Variants in CEP170B observed in about 807,000 individuals in gnomAD.
CEP170B encodes centrosomal protein 170B, also known as centrosomal protein of 170 kDa protein B.
Under a neutral mutation model 120.6 loss-of-function variants are expected in CEP170B, and 55 were observed. The observed-to-expected ratio is 0.46, with a 90% confidence interval of 0.37 to 0.57. The LOEUF is 0.57. Ranked by LOEUF, CEP170B falls within the 20% of genes least tolerant of loss-of-function variation. The probability of loss-of-function intolerance (pLI) is 0.00; values close to 1 mark genes in which losing one functional copy is unlikely to be tolerated. For missense variants in CEP170B, 2,212 were observed against 2,253.3 expected, an observed-to-expected ratio of 0.98 and a Z score of 0.37; for synonymous variants, 1,033 against 954.5, an observed-to-expected ratio of 1.08 and a Z score of -1.52.
chr14:104,876,035 C>A (rs992712368), intron 2 of CEP170B, among the ~76,000 whole-genome samples: 1 of 151,922 alleles, frequency 6.6e-6, no homozygotes, highest in African/African-American at 2.4e-5. Context: ...GGAGGGCGGT[C>A]ATGAGGGGAG....
At chr14:104,866,578 C>T (rs986669058) in intron 1 of CEP170B, among the ~76,000 whole-genome samples, 1 of 152,172 alleles carries the variant, frequency 6.6e-6, no homozygotes, top group Non-Finnish European at 1.5e-5. Flanking sequence ...GTGAGAGGGT[C>T]CTGGCTGCCT....
intron 3 of CEP170B, among the ~76,000 whole-genome samples, chr14:104,876,664 C>T (rs1895868784): frequency 6.6e-6 from 1 of 152,200 alleles, no homozygotes; most frequent in Non-Finnish European, 1.5e-5. Context: ...CAGGCCTCCC[C>T]AGAAGGCTCC....
At chr14:104,872,287 C>CGGGTGTGTGT (rs1555390577) in intron 2 of CEP170B, among the ~76,000 whole-genome samples, 1 of 56,700 alleles carries the variant, frequency 1.8e-5, no homozygotes, top group Non-Finnish European at 3.2e-5. Flanking sequence ...GTGTGTGTGC[C>CGGGTGTGTGT]GCGTGTGTGT....
intron 3 of CEP170B, among the ~76,000 whole-genome samples, chr14:104,876,798 T>C (rs1384773204): frequency 6.6e-6 from 1 of 152,214 alleles, no homozygotes; most frequent in African/African-American, 2.4e-5. Context: ...TATGCTTGGG[T>C]ACCCAGTCTG....
chr14:104,894,438 TG>T (rs1438056670), intron 17 of CEP170B, 60 bp downstream of exon 17: 11 of 1,607,620 alleles, frequency 6.8e-6, no homozygotes, highest in Non-Finnish European at 8.5e-6. Context: ...TTTGCCTGGC[TG>T]GCCCCAAACC....
chr14:104,894,105 C>T (rs1310054189), intron 16 of CEP170B, 180 bp from the exon 17 acceptor site: 9 of 661,102 alleles, frequency 1.4e-5, no homozygotes, highest in African/African-American at 3.6e-5. Flanking sequence ...TCCCCACCGC[C>T]GAGTGTCAGG....
intron 6 of CEP170B, among the ~76,000 whole-genome samples, chr14:104,880,778 C>G (rs1377661861): frequency 6.6e-6 from 1 of 151,858 alleles, no homozygotes; most frequent in African/African-American, 2.4e-5. Flanking sequence ...ATGCCCATAG[C>G]TCTCACTGCT....
rs1167211915 is a variant in CEP170B, at chr14:104,865,354, G to A, written c.-187G>A. The A allele has an allele frequency of 1.4e-5, 2 of 146,496 alleles. No homozygotes were observed. The highest frequency in any genetic ancestry group is 3.9e-4 in the East Asian group (2 of 5,066). The allele number at this position is 146,496 out of a possible 1,614,324, so 9.1% of individuals were successfully genotyped here. A position where few individuals can be genotyped will look rare whatever the true frequency, so the allele number is the denominator to read the frequency against. On this transcript the variant is annotated 5_prime_UTR_variant, in exon 1 of 19. Coordinates refer to ENST00000414716, the MANE Select transcript of CEP170B (RefSeq NM_001112726.3). This position sits in a 1 kb window ranked among gnomAD's most constrained non-coding sequence, Gnocchi z 6.7. The stretch of plus-strand genomic sequence containing the variant: ...CTGCCACGAGCGTGCGGGCCTCGCC[G>A]GGCATGTCCTAGGCGGCGGCCCCGC...
At chr14:104,890,196 AGGTG>A (rs1463699963) in intron 13 of CEP170B, among the ~76,000 whole-genome samples, 42 of 9,486 alleles carry the variant, frequency 4.4e-3, no homozygotes, top group Middle Eastern at 0.071. Flanking sequence ...ATGGGTGGGT[AGGTG>A]GGTGGGTGGG....
At chr14:104,864,787 C>T (rs967581975), upstream of CEP170B, among the ~76,000 whole-genome samples, 1 of 152,228 alleles carries the variant, frequency 6.6e-6, no homozygotes, top group African/African-American at 2.4e-5. This position sits in a 1 kb window ranked among gnomAD's most constrained non-coding sequence, Gnocchi z 5.9. Flanking sequence ...ACTCCTTCAC[C>T]GTCCGCTCCT....
Position 104,875,391 on chromosome 14 carries a change from G to C in CEP170B, c.106-865G>C, listed in dbSNP as rs1895784884. 3.3e-5 allele frequency among the ~76,000 whole-genome samples: 5 copies of C among 152,270 alleles called. No individual in the cohort carries two copies. In the South Asian group the frequency reaches 1.0e-3, roughly 32 times the overall value. On this transcript the variant is annotated intron_variant, in intron 2 of 18. Coordinates refer to ENST00000414716, the MANE Select transcript of CEP170B (RefSeq NM_001112726.3). The stretch of plus-strand genomic sequence containing the variant: ...CTCGGTGACTTCCCTGGGTCGGCTG[G>C]TTCTGCTGGCCTTTCCTGGGGCTGG...
At chr14:104,878,050 T>A in intron 4 of CEP170B, 87 bp downstream of exon 4, 1 of 1,134,162 alleles carries the variant, frequency 8.8e-7, no homozygotes, top group Non-Finnish European at 1.3e-6. Context: ...AGCAGGGCTG[T>A]CACTGCTGGG....
rs1260890374 is a variant in CEP170B, at chr14:104,894,933, C to G, written c.4640C>G (p.Pro1547Arg). 6.3e-7 allele frequency: 1 copy of G among 1,591,314 alleles called. No homozygotes were observed. The highest frequency in any genetic ancestry group is 8.6e-7 in the Non-Finnish European group (1 of 1,168,946). The change falls in exon 19 of 19, where the codon CCT (proline) becomes CGT (arginine). Residue 1547 changes from proline (P) to arginine (R), a missense_variant. Transcript: ENST00000414716. Reference sequence around the variant, plus strand: ...AGCCTCCCGGACCCCACCTTCCTCCCTGATGCCGAGAGGTTCCTGATCTAG... The same window carrying G: ...AGCCTCCCGGACCCCACCTTCCTCCGTGATGCCGAGAGGTTCCTGATCTAG... ...PPSLPDPTFLPDAERFLI is the reference protein window; with the variant it reads ...PPSLPDPTFLRDAERFLI
In CEP170B at chr14:104,887,646, A is replaced by G; in HGVS notation, c.3407A>G (p.Asp1136Gly). Residue 1136 changes from aspartate to glycine, a missense_variant, in exon 12 of 19, where the codon GAC becomes GGC. Asp to Gly is a moderately conservative substitution (Grantham distance 94). Transcript: ENST00000414716. ...LRRARLGDASDTEAADGERGS... is the reference protein window; with the variant it reads ...LRRARLGDASGTEAADGERGS... Reference sequence around the variant, plus strand: ...CGGGCCCGGCTGGGGGACGCTTCAGACACTGAGGCTGCGGATGGTGAGCGG... The same window carrying G: ...CGGGCCCGGCTGGGGGACGCTTCAGGCACTGAGGCTGCGGATGGTGAGCGG... 6.4e-7 allele frequency: 1 copy of G among 1,562,694 alleles called. No individual in the cohort carries two copies. The highest frequency in any genetic ancestry group is 8.6e-7 in the Non-Finnish European group (1 of 1,156,412).
intron 2 of CEP170B, among the ~76,000 whole-genome samples, chr14:104,872,263 CGTGTGGGTGTG>C (rs1566852076): frequency 1.9e-4 from 20 of 104,816 alleles, no homozygotes; most frequent in African/African-American, 7.9e-4. Flanking sequence ...CATGTGTGTG[CGTGTGGGTGTG>C]CCGTGTGTGT....
Position 104,885,559 on chromosome 14 carries a change from C to T in CEP170B, c.1944+17C>T. On this transcript the variant is annotated intron_variant, in intron 10 of 18. Coordinates refer to ENST00000414716, the MANE Select transcript of CEP170B (RefSeq NM_001112726.3). ...GAGCACCAGGTACAGGCACAGACGG[C>T]CACCCCAAGGAGGGGCTGGGCAGGA... 6.5e-7 allele frequency: 1 copy of T among 1,543,962 alleles called. No homozygotes were observed. The highest frequency in any genetic ancestry group is 8.7e-7 in the Non-Finnish European group (1 of 1,152,358).
intron 6 of CEP170B, among the ~76,000 whole-genome samples, chr14:104,880,905 C>T (rs1487217232): frequency 6.7e-6 from 1 of 150,304 alleles, no homozygotes; most frequent in Non-Finnish European, 1.5e-5. Flanking sequence ...CCCACACACA[C>T]AGCTACCCAT....
At chr14:104,885,775 C>T (rs1346656541) in intron 10 of CEP170B, among the ~76,000 whole-genome samples, 2 of 152,276 alleles carry the variant, frequency 1.3e-5, no homozygotes, top group East Asian at 1.9e-4. Flanking sequence ...GACAGGGCCA[C>T]GGCTGCTCTG....
chr14:104,886,778 C>G lies in CEP170B; in HGVS notation c.2539C>G (p.Gln847Glu), dbSNP rs1052614797. 6.2e-7 allele frequency: 1 copy of G among 1,611,732 alleles called. No individual in the cohort carries two copies. The highest frequency in any genetic ancestry group is 8.5e-7 in the Non-Finnish European group (1 of 1,179,758). The change falls in exon 12 of 19, where the codon CAG becomes GAG. Residue 847 changes from glutamine to glutamate, a missense_variant. This residue lies in a region of CEP170B where 2,166 missense variants were observed against 2,166.7 expected (regional missense o/e 1.00). Coordinates refer to ENST00000414716, the MANE Select transcript of CEP170B (RefSeq NM_001112726.3). ...CAGTGCCAATGGGAGAATGGTCATC[C>G]AGCTACGGCCTGGACGGTCCCCAGA... The part of the protein sequence containing the change: ...YVSANGRMVI[Q>E]LRPGRSPEPD...
Sources: gnomAD v4.1 joint callset for allele counts (sites outside exome capture counted in the v4.1 genomes callset) on GRCh38, gnomAD v4.1.1 for gene constraint, gnomAD v4.1.1 regional missense constraint, Gnocchi (gnomAD v3.1) non-coding constraint, MANE v1.5 for transcripts, NCBI Gene and HGNC (gene_info 2026-07-23, HGNC 2026-07-21) for gene names.